Variants in PRKCB observed in about 807,000 individuals in gnomAD.
The protein encoded by PRKCB is protein kinase C beta, also known as protein kinase C beta type.
A neutral mutation model predicts 81.5 loss-of-function variants in PRKCB; 13 were observed. The observed-to-expected ratio is 0.16, with a 90% confidence interval of 0.10 to 0.25. The LOEUF (loss-of-function observed/expected upper bound fraction) is 0.25, where lower values mean the gene tolerates loss of function less well. Among genes scored for constraint, PRKCB ranks in the 10% least tolerant of loss-of-function variants. The pLI, the probability that PRKCB is intolerant of heterozygous loss-of-function variation, is 1.00. For synonymous variants in PRKCB, 335 were observed against 321.4 expected (o/e 1.04, Z -0.45); for missense variants, 509 against 875.7 (o/e 0.58, Z 5.29).
At chr16:23,950,454 G>A (rs910383246) in intron 2 of PRKCB, among the ~76,000 whole-genome samples, 1 of 152,172 alleles carries the variant, frequency 6.6e-6, no homozygotes, top group Non-Finnish European at 1.5e-5. Context: ...AAGCAGTATG[G>A]GTAAGAGCAC....
intron 10 of PRKCB, among the ~76,000 whole-genome samples, chr16:24,171,277 T>A (rs1191897245): frequency 1.3e-5 from 2 of 152,060 alleles, no homozygotes; most frequent in Admixed American, 1.3e-4. Context: ...AGGACTGGAG[T>A]TGGTGCTGGC....
At chr16:24,102,027 A>G (rs1002504532) in intron 7 of PRKCB, among the ~76,000 whole-genome samples, 9 of 152,194 alleles carry the variant, frequency 5.9e-5, no homozygotes, top group Non-Finnish European at 1.2e-4. Flanking sequence ...ATGATGCCAG[A>G]GCCTAAGCAT....
chr16:24,172,424 G>A lies in PRKCB; in HGVS notation c.1331+63G>A, dbSNP rs1967456970. ...AAATGGGTAGGTTAGTGGTTCCTTT[G>A]AGGGTGTTTTTTTGCCAAAGAGGGA... On this transcript the variant is annotated intron_variant, in intron 11 of 16. Transcript: ENST00000643927. 5.5e-6 allele frequency: 8 copies of A among 1,458,780 alleles called. No homozygotes were observed. The South Asian group carries it at 9.5e-5, about 17-fold the overall frequency. 90.4% of individuals were successfully genotyped at this position (1,458,780 alleles called of 1,614,324 possible). A position where few individuals can be genotyped will look rare whatever the true frequency, so the allele number is the denominator to read the frequency against.
At chr16:23,963,894 A>C (rs1964455353) in intron 2 of PRKCB, 1 of 152,262 alleles carries the variant, frequency 6.6e-6, no homozygotes, top group South Asian at 2.1e-4. Flanking sequence ...CTCTGGCATC[A>C]CTGTTGCCTT....
intron 2 of PRKCB, among the ~76,000 whole-genome samples, chr16:23,854,942 A>G (rs1007483971): frequency 6.6e-6 from 1 of 152,190 alleles, no homozygotes; most frequent in African/African-American, 2.4e-5. Flanking sequence ...CTCCTAGGGA[A>G]ATGGTAGGGC....
chr16:23,858,836 A>G (rs1434788753), intron 2 of PRKCB, among the ~76,000 whole-genome samples: 4 of 152,186 alleles, frequency 2.6e-5, no homozygotes, highest in Admixed American at 2.0e-4. Context: ...GATGCTTCAC[A>G]CACATGATCT....
At chr16:23,953,112 G>A (rs1034099796) in intron 2 of PRKCB, among the ~76,000 whole-genome samples, 1 of 152,194 alleles carries the variant, frequency 6.6e-6, no homozygotes, top group Non-Finnish European at 1.5e-5. Flanking sequence ...CCTGTTTTAC[G>A]GAGACACAGA....
intron 2 of PRKCB, among the ~76,000 whole-genome samples, chr16:23,863,204 G>A (rs62030651): frequency 0.13 from 7,429 of 56,998 alleles, 313 homozygotes; most frequent in Admixed American, 0.17. Context: ...ACGTATATAT[G>A]TGTATATATA....
intron 4 of PRKCB, 150 bp from the exon 5 acceptor site, chr16:24,035,269 G>C: frequency 1.0e-6 from 1 of 966,922 alleles, no homozygotes; most frequent in Non-Finnish European, 1.5e-6. Context: ...ATGAGATCCT[G>C]GCAGGCAAGT....
intron 2 of PRKCB, among the ~76,000 whole-genome samples, chr16:23,879,781 A>G (rs761924254): frequency 1.3e-5 from 2 of 152,224 alleles, no homozygotes; most frequent in Non-Finnish European, 2.9e-5. Flanking sequence ...GGCGTGAGCC[A>G]CTGAGCCCGG....
At chr16:24,099,312 G>A (rs1966476434) in intron 7 of PRKCB, 2 of 152,228 alleles carry the variant, frequency 1.3e-5, no homozygotes, top group African/African-American at 2.4e-5. Flanking sequence ...TATGCTGCAT[G>A]TGGTACTTTC....
chr16:24,203,648 G>A (rs1967999334), intron 16 of PRKCB, among the ~76,000 whole-genome samples: 1 of 152,184 alleles, frequency 6.6e-6, no homozygotes, highest in South Asian at 2.1e-4. Flanking sequence ...TGAATTTGGA[G>A]GGTTGAGACC....
At chr16:23,857,877 C>T (rs1042117513) in intron 2 of PRKCB, among the ~76,000 whole-genome samples, 3 of 152,150 alleles carry the variant, frequency 2.0e-5, no homozygotes, top group Non-Finnish European at 2.9e-5. Flanking sequence ...AGTACTCACT[C>T]GGTGACTGGC....
chr16:24,064,867 A>T (rs917848279), intron 5 of PRKCB, among the ~76,000 whole-genome samples: 1 of 151,248 alleles, frequency 6.6e-6, no homozygotes, highest in African/African-American at 2.4e-5. Context: ...TGCCTCTTGT[A>T]AATATACCAG....
At chr16:24,171,282 G>C (rs968772069) in intron 10 of PRKCB, among the ~76,000 whole-genome samples, 1 of 152,182 alleles carries the variant, frequency 6.6e-6, no homozygotes, top group African/African-American at 2.4e-5. Context: ...TGGAGTTGGT[G>C]CTGGCTGCTG....
At chr16:24,028,110 A>T (rs1418998251) in intron 3 of PRKCB, among the ~76,000 whole-genome samples, 1 of 151,846 alleles carries the variant, frequency 6.6e-6, no homozygotes, top group Non-Finnish European at 1.5e-5. Context: ...TTTTTTTGAG[A>T]TGGAGTCTTG....
intron 16 of PRKCB, among the ~76,000 whole-genome samples, chr16:24,195,451 T>C (rs1216890161): frequency 2.6e-5 from 4 of 152,170 alleles, no homozygotes; most frequent in Admixed American, 6.5e-5. Flanking sequence ...TCATGCATGC[T>C]ATTAAATAGA....
chr16:24,175,971 CAA>C (rs34578906), intron 12 of PRKCB, among the ~76,000 whole-genome samples: 26 of 49,838 alleles, frequency 5.2e-4, no homozygotes, highest in Admixed American at 2.5e-3. Flanking sequence ...GACCCTGTCT[CAA>C]AAAAAAAAAA....
intron 5 of PRKCB, among the ~76,000 whole-genome samples, chr16:24,061,923 A>C (rs1055867895): frequency 6.7e-6 from 1 of 149,390 alleles, no homozygotes; most frequent in Non-Finnish European, 1.5e-5. Flanking sequence ...AAAAAAAAAA[A>C]AAAAAAAAAA....
Sources: allele counts gnomAD v4.1 joint callset (sites outside exome capture counted in the v4.1 genomes callset), GRCh38; gene constraint gnomAD v4.1.1; transcripts MANE v1.5; gene names NCBI Gene and HGNC (gene_info 2026-07-23, HGNC 2026-07-21).